CAMTA1: variants seen among roughly 807,000 people sequenced by gnomAD.
The protein encoded by CAMTA1 is calmodulin-binding transcription activator 1.
Under a neutral mutation model 170.9 loss-of-function variants are expected in CAMTA1, and 27 were observed. That is an observed-to-expected ratio of 0.16 (90% confidence interval 0.12 to 0.22). The LOEUF is 0.22. CAMTA1 is among the 10% of genes least tolerant of loss of function. The probability of loss-of-function intolerance (pLI) is 1.00; values close to 1 mark genes in which losing one functional copy is unlikely to be tolerated. For missense variants in CAMTA1, 1,619 were observed against 2,217.2 expected (o/e 0.73, Z 5.42); for synonymous variants, 833 against 891.5 (o/e 0.93, Z 1.17).
At chr1:7,753,858 A>G (rs2096914246) in intron 21 of CAMTA1, among the ~76,000 whole-genome samples, 1 of 152,240 alleles carries the variant, frequency 6.6e-6, no homozygotes, top group South Asian at 2.1e-4. Context: ...AATGAGTAAC[A>G]TACCAGTGTC....
chr1:7,456,942 C>T lies in CAMTA1; in HGVS notation c.439-10888C>T, dbSNP rs1481393621. On this transcript the variant is annotated intron_variant, in intron 5 of 22. Coordinates refer to ENST00000303635, the MANE Select transcript of CAMTA1 (RefSeq NM_015215.4). The surrounding 1 kb of genome is among the most constrained non-coding windows in gnomAD (Gnocchi z 4.9). Reference sequence around the variant, plus strand: ...GCAGCAAGGCCCAGATGGGAGCAGCCCATGTGGAGAGTGGAGCGAGGCCCA... The same window carrying T: ...GCAGCAAGGCCCAGATGGGAGCAGCTCATGTGGAGAGTGGAGCGAGGCCCA... Among the ~76,000 whole-genome samples, 1 of 152,144 alleles carries T rather than the reference C, an allele frequency of 6.6e-6. No homozygotes were observed. Among genetic ancestry groups the T allele is most frequent in the Non-Finnish European group, 1.5e-5 (1 of 68,020 alleles).
At chr1:6,884,336 A>ACACACACACACAC (rs1672563290) in intron 3 of CAMTA1, among the ~76,000 whole-genome samples, 1 of 73,074 alleles carries the variant, frequency 1.4e-5, no homozygotes, top group Non-Finnish European at 3.7e-5. Flanking sequence ...ACACACACAC[A>ACACACACACACAC]ATTTTGTTTG....
At chr1:7,189,950 C>G (rs1178765706) in intron 4 of CAMTA1, among the ~76,000 whole-genome samples, 2 of 152,140 alleles carry the variant, frequency 1.3e-5, no homozygotes, top group East Asian at 3.9e-4. Flanking sequence ...CTTTTTACAC[C>G]TAGTAAGAAG....
intron 6 of CAMTA1, among the ~76,000 whole-genome samples, chr1:7,608,748 G>A (rs764244034): frequency 1.6e-4 from 25 of 152,226 alleles, no homozygotes; most frequent in Admixed American, 9.8e-4. Context: ...AAATAATGCA[G>A]GTAGTGAAGT....
chr1:7,085,057 A>C (rs994644934), intron 3 of CAMTA1, among the ~76,000 whole-genome samples: 3 of 152,248 alleles, frequency 2.0e-5, no homozygotes, highest in Non-Finnish European at 2.9e-5. Context: ...GTAGGTATAC[A>C]TGTGCCATGG....
At chr1:7,749,095 A>G (rs1201918560) in intron 19 of CAMTA1, among the ~76,000 whole-genome samples, 1 of 152,226 alleles carries the variant, frequency 6.6e-6, no homozygotes, top group Non-Finnish European at 1.5e-5. Context: ...GGTTCACACG[A>G]TAAAATTCAG....
intron 6 of CAMTA1, among the ~76,000 whole-genome samples, chr1:7,603,717 C>T (rs2095464648): frequency 6.6e-6 from 1 of 152,110 alleles, no homozygotes; most frequent in Non-Finnish European, 1.5e-5. Context: ...GAATTTGATC[C>T]TGTCATTATG....
chr1:7,355,775 C>T (rs1280154644), intron 5 of CAMTA1, among the ~76,000 whole-genome samples: 1 of 152,246 alleles, frequency 6.6e-6, no homozygotes, highest in Non-Finnish European at 1.5e-5. Context: ...GCCTCATCTC[C>T]CACCAGCCTC....
rs1306006449 is a variant in CAMTA1 at position 6,856,279 on chromosome 1, T to A, written c.234+31069T>A. 2.0e-5 allele frequency among the ~76,000 whole-genome samples: 3 copies of A among 149,916 alleles called. No individual in the cohort carries two copies. The East Asian group carries it at 5.8e-4, about 29-fold the overall frequency. ...AAGATGGCCAAGATGGAACCAGTGTTTTTTTTTTTTTTTCTCTGTGACAGA... is the reference window on the plus strand; with the variant it reads ...AAGATGGCCAAGATGGAACCAGTGTATTTTTTTTTTTTTCTCTGTGACAGA... On this transcript the variant is annotated intron_variant, in intron 3 of 22. Coordinates refer to ENST00000303635, the MANE Select transcript of CAMTA1 (RefSeq NM_015215.4).
intron 5 of CAMTA1, among the ~76,000 whole-genome samples, chr1:7,384,807 C>T (rs956667663): frequency 2.0e-5 from 3 of 152,104 alleles, no homozygotes; most frequent in Admixed American, 2.0e-4. Flanking sequence ...CTGGCAAGGA[C>T]CCTGGGTTGG....
intron 3 of CAMTA1, among the ~76,000 whole-genome samples, chr1:6,888,546 G>A (rs1673820861): frequency 1.3e-5 from 2 of 152,222 alleles, no homozygotes; most frequent in South Asian, 4.1e-4. Flanking sequence ...AGGGAGGCAG[G>A]AAACAGGCAA....
chr1:7,649,018 A>T (rs12062952), intron 7 of CAMTA1, among the ~76,000 whole-genome samples: 2,195 of 152,346 alleles, frequency 0.014, 51 homozygotes, highest in African/African-American at 0.05. Flanking sequence ...AGCTTAGTGT[A>T]GCCACACTCC....
chr1:7,352,585 T>C (rs61782274), intron 5 of CAMTA1, among the ~76,000 whole-genome samples: 2 of 152,112 alleles, frequency 1.3e-5, no homozygotes, highest in East Asian at 3.9e-4. Flanking sequence ...CATCCACCCA[T>C]GGGCCCCTTT....
chr1:7,509,112 A>G (rs2094164295), intron 6 of CAMTA1, among the ~76,000 whole-genome samples: 1 of 152,208 alleles, frequency 6.6e-6, no homozygotes, highest in Non-Finnish European at 1.5e-5. Flanking sequence ...AGAGAGCTGG[A>G]GGCAGCAAAT....
At chr1:7,148,987 G>A (rs1165834332) in intron 4 of CAMTA1, among the ~76,000 whole-genome samples, 1 of 152,258 alleles carries the variant, frequency 6.6e-6, no homozygotes, top group Non-Finnish European at 1.5e-5. Flanking sequence ...AGGGGTGCGT[G>A]TGTCCAGTGG....
intron 3 of CAMTA1, among the ~76,000 whole-genome samples, chr1:6,881,599 C>A (rs1320441171): frequency 6.6e-6 from 1 of 152,168 alleles, no homozygotes; most frequent in Non-Finnish European, 1.5e-5. Context: ...CAGGGCTTGG[C>A]ACGGTCTTTT....
intron 3 of CAMTA1, among the ~76,000 whole-genome samples, chr1:7,056,013 G>C (rs1707270986): frequency 6.6e-6 from 1 of 152,210 alleles, no homozygotes; most frequent in South Asian, 2.1e-4. Context: ...TCTGCACAAG[G>C]AGGGCTGTGT....
At chr1:7,466,079 G>A (rs2093204279) in intron 5 of CAMTA1, among the ~76,000 whole-genome samples, 1 of 152,184 alleles carries the variant, frequency 6.6e-6, no homozygotes, top group Non-Finnish European at 1.5e-5. Flanking sequence ...GTGAGAACAT[G>A]CAAATTCCAA....
chr1:7,508,318 G>A lies in CAMTA1; in HGVS notation c.510+40417G>A, dbSNP rs375009578. The stretch of plus-strand genomic sequence containing the variant: ...CTGACTCCTGCATCCCACACCCGTC[G>A]GAAGAGGCGCTTCAGAGGCCCCTGG... On this transcript the variant is annotated intron_variant, in intron 6 of 22. Coordinates refer to ENST00000303635, the MANE Select transcript of CAMTA1 (RefSeq NM_015215.4). 1.8e-4 allele frequency among the ~76,000 whole-genome samples: 27 copies of A among 152,334 alleles called. No homozygotes were observed. The South Asian group carries it at 2.3e-3, about 13-fold the overall frequency.
Sources: allele counts gnomAD v4.1 joint callset (sites outside exome capture counted in the v4.1 genomes callset), GRCh38; gene constraint gnomAD v4.1.1; non-coding constraint Gnocchi (gnomAD v3.1); transcripts MANE v1.5; gene names NCBI Gene and HGNC (gene_info 2026-07-23, HGNC 2026-07-21).